Variants in CDH20 observed in about 807,000 individuals in gnomAD.
The protein encoded by CDH20 is cadherin 20, also known as cadherin-20.
Under a neutral mutation model 74.2 loss-of-function variants are expected in CDH20, and 29 were observed. The ratio of observed to expected loss-of-function variants is 0.39; its 90% CI spans 0.29 to 0.53. The LOEUF (loss-of-function observed/expected upper bound fraction) is 0.53, where lower values mean the gene tolerates loss of function less well. Ranked by LOEUF, CDH20 falls within the 20% of genes least tolerant of loss-of-function variation. CDH20 has a pLI of 0.69. For missense variants in CDH20, 988 were observed against 1,048.3 expected (o/e 0.94, Z 0.79); for synonymous variants, 469 against 405.4 (o/e 1.16, Z -1.88).
chr18:61,453,301 G>A (rs559948153), intron 1 of CDH20, among the ~76,000 whole-genome samples: 7 of 152,052 alleles, frequency 4.6e-5, no homozygotes, highest in South Asian at 2.1e-4. Context: ...TTTTTGAGAC[G>A]GAGTCCTGCT....
In CDH20 at chr18:61,357,447, T is replaced by C. The variant is rs8084495; in HGVS notation, c.-153+23620T>C. 4.4e-3 allele frequency among the ~76,000 whole-genome samples: 668 copies of C among 152,326 alleles called. 7 individuals carry two copies. The highest frequency in any genetic ancestry group is 0.015 in the African/African-American group (625 of 41,574). ...CTAGAGGTTGACAGTACAGGGCAGA[T>C]ACAGCTGCTCAACAAAATCATTAAG... On this transcript the variant is annotated intron_variant, in intron 1 of 11. Transcript: ENST00000262717.
At position 61,554,212 on chromosome 18, in the gene CDH20, C is replaced by G; in HGVS notation, c.1923C>G (p.Ser641=). The change falls in exon 12 of 12, where the codon TCC becomes TCG. Residue 641 remains serine, a synonymous_variant. Transcript: ENST00000262717. ...VLLVLVLLIL[S]MRRHRKQPYI... ...CAGTGCTGGTGTTGCTCATTTTGTC[C>G]ATGAGGCGGCACCGGAAACAACCAT... is the stretch of plus-strand genomic sequence containing the variant. 1 of 1,611,906 alleles carries G rather than the reference C, an allele frequency of 6.2e-7. No individual in the cohort carries two copies. Among genetic ancestry groups the G allele is most frequent in the Non-Finnish European group, 8.5e-7 (1 of 1,178,294 alleles).
At chr18:61,481,785 C>A (rs1206877422) in intron 1 of CDH20, among the ~76,000 whole-genome samples, 2 of 152,028 alleles carry the variant, frequency 1.3e-5, no homozygotes, top group East Asian at 3.9e-4. Flanking sequence ...TAGCCTCAAG[C>A]AATTCTCCCC....
chr18:61,421,390 C>T (rs1036886694), intron 1 of CDH20, among the ~76,000 whole-genome samples: 2 of 152,122 alleles, frequency 1.3e-5, no homozygotes, highest in African/African-American at 4.8e-5. Context: ...TTACTGTTAT[C>T]ACCAGAGGCA....
chr18:61,513,003 T>C (rs1911842251), intron 6 of CDH20, among the ~76,000 whole-genome samples: 1 of 152,232 alleles, frequency 6.6e-6, no homozygotes, highest in East Asian at 1.9e-4. Context: ...GAGAGTTCTG[T>C]AGATGTCTAT....
At chr18:61,471,266 C>T (rs978619280) in intron 1 of CDH20, among the ~76,000 whole-genome samples, 1 of 152,174 alleles carries the variant, frequency 6.6e-6, no homozygotes, top group African/African-American at 2.4e-5. Flanking sequence ...CAGCCAAATG[C>T]CCTCATCTGT....
intron 1 of CDH20, among the ~76,000 whole-genome samples, chr18:61,342,147 T>A (rs1161576654): frequency 6.6e-6 from 1 of 152,220 alleles, no homozygotes; most frequent in Non-Finnish European, 1.5e-5. Context: ...ACAGATTTCT[T>A]CATGAAATAC....
At chr18:61,533,723 A>G (rs1449458919) in intron 7 of CDH20, among the ~76,000 whole-genome samples, 1 of 152,144 alleles carries the variant, frequency 6.6e-6, no homozygotes, top group East Asian at 1.9e-4. Context: ...CTTTTCCCCT[A>G]AGGTTTCTTC....
At chr18:61,461,646 CACAA>C (rs1375905463) in intron 1 of CDH20, among the ~76,000 whole-genome samples, 1 of 152,076 alleles carries the variant, frequency 6.6e-6, no homozygotes, top group Non-Finnish European at 1.5e-5. Flanking sequence ...GGACAAAATG[CACAA>C]ACAAAGCGAG....
At chr18:61,427,132 G>C (rs1034387410) in intron 1 of CDH20, among the ~76,000 whole-genome samples, 1 of 152,136 alleles carries the variant, frequency 6.6e-6, no homozygotes, top group African/African-American at 2.4e-5. Flanking sequence ...AGAGTCCTCT[G>C]AGAAGTATGG....
chr18:61,423,919 C>A (rs1029355107), intron 1 of CDH20, among the ~76,000 whole-genome samples: 6 of 152,130 alleles, frequency 3.9e-5, no homozygotes, highest in Non-Finnish European at 5.9e-5. Context: ...AGATTTTAAT[C>A]CTTTCTAAAT....
intron 1 of CDH20, among the ~76,000 whole-genome samples, chr18:61,362,791 T>C (rs1205905789): frequency 6.6e-6 from 1 of 152,078 alleles, no homozygotes; most frequent in African/African-American, 2.4e-5. Context: ...TAGTATGACA[T>C]AGTAGACTTA....
chr18:61,512,541 G>A (rs546055056), intron 6 of CDH20, among the ~76,000 whole-genome samples: 5 of 150,480 alleles, frequency 3.3e-5, no homozygotes, highest in Admixed American at 6.8e-5. Flanking sequence ...AAGTACTCTC[G>A]TAGGCACAGT....
At chr18:61,538,596 G>GTTGTTTTTT (rs1912899197) in intron 8 of CDH20, among the ~76,000 whole-genome samples, 1 of 24,518 alleles carries the variant, frequency 4.1e-5, no homozygotes, top group Non-Finnish European at 9.7e-5. Context: ...TTGTTTGTTT[G>GTTGTTTTTT]TTTTTGTTTT....
rs1283106762 is a variant in CDH20, at chr18:61,550,024, G to T, written c.1695G>T (p.Gln565His). The T allele has an allele frequency of 6.2e-7, 1 of 1,614,190 alleles. No homozygotes were observed. Among genetic ancestry groups the T allele is most frequent in the South Asian group, 1.1e-5 (1 of 91,074 alleles). The change falls in exon 11 of 12, where the codon CAG (glutamine) becomes CAT (histidine). Residue 565 changes from glutamine to histidine, a missense_variant. By Grantham distance (24) the Gln-to-His change is conservative. Around this residue, in one of 2 missense-constraint regions of CDH20, gnomAD observed 613 missense variants for 755.2 expected, o/e 0.81. Coordinates refer to ENST00000262717, the MANE Select transcript of CDH20 (RefSeq NM_031891.4). ...ILTRRSGFRQ[Q>H]EQSVFHLPIL... ...CCAGGAGGTCTGGTTTCCGGCAGCA[G>T]GAGCAGAGTGTCTTTCACCTGCCTA...
At chr18:61,474,638 T>C (rs1910303631) in intron 1 of CDH20, among the ~76,000 whole-genome samples, 1 of 152,218 alleles carries the variant, frequency 6.6e-6, no homozygotes, top group African/African-American at 2.4e-5. Flanking sequence ...TCACTTTTTA[T>C]TTAAATAATT....
rs758546149 is a variant in CDH20, at chr18:61,500,486, T to G, written c.645T>G (p.Ser215=). 6.2e-6 allele frequency: 10 copies of G among 1,611,314 alleles called. No individual in the cohort carries two copies. The East Asian group carries it at 1.6e-4, about 25-fold the overall frequency. The part of the protein sequence containing the change: ...YSILQGQPYF[S]VDSKTGVIRT... ...TTCTTCAGGGCCAGCCATATTTTTC[T>G]GTGGACTCTAAAACAGGTATCTGAT... is the stretch of plus-strand genomic sequence containing the variant. Residue 215 remains serine (S), a synonymous_variant, in exon 4 of 12, where the codon TCT becomes TCG. Transcript: ENST00000262717.
chr18:61,471,828 T>G (rs1219447463), intron 1 of CDH20, among the ~76,000 whole-genome samples: 1 of 152,152 alleles, frequency 6.6e-6, no homozygotes, highest in Non-Finnish European at 1.5e-5. Context: ...TAACAATAAT[T>G]TGAAAGAGAA....
chr18:61,346,102 C>T (rs1173252063), intron 1 of CDH20, among the ~76,000 whole-genome samples: 3 of 152,032 alleles, frequency 2.0e-5, no homozygotes, highest in East Asian at 3.9e-4. Flanking sequence ...GTGGTGGCAC[C>T]TTTAGAAGTC....
Sources: gnomAD v4.1 joint callset for allele counts (sites outside exome capture counted in the v4.1 genomes callset) on GRCh38, gnomAD v4.1.1 for gene constraint, gnomAD v4.1.1 regional missense constraint, MANE v1.5 for transcripts, NCBI Gene and HGNC (gene_info 2026-07-23, HGNC 2026-07-21) for gene names.